Variants in GLT1D1 observed in about 807,000 individuals in gnomAD.
GLT1D1 encodes glycosyltransferase 1 domain-containing protein 1.
GLT1D1 carries 21 observed loss-of-function variants against 28.7 expected under a neutral mutation model. The observed-to-expected ratio is 0.73, with a 90% confidence interval of 0.52 to 1.05. The LOEUF (loss-of-function observed/expected upper bound fraction) is 1.05. GLT1D1 is among the 50% of genes least tolerant of loss of function. The pLI is 0.00. For missense variants in GLT1D1, 343 were observed against 330.6 expected, an observed-to-expected ratio of 1.04 and a Z score of -0.29; for synonymous variants, 147 against 124.8, an observed-to-expected ratio of 1.18 and a Z score of -1.19.
At chr12:128,910,014 A>G (rs2135880919) in intron 4 of GLT1D1, among the ~76,000 whole-genome samples, 1 of 152,388 alleles carries the variant, frequency 6.6e-6, no homozygotes, top group East Asian at 1.9e-4. Flanking sequence ...AAATCAATAT[A>G]AGCCAATTGG....
chr12:128,934,964 C>G (rs560606285), intron 4 of GLT1D1, among the ~76,000 whole-genome samples: 38 of 151,784 alleles, frequency 2.5e-4, no homozygotes, highest in African/African-American at 8.7e-4. Flanking sequence ...AGGACGGGGT[C>G]CAGGACAGGG....
intron 7 of GLT1D1, among the ~76,000 whole-genome samples, chr12:128,973,895 TGTGTGTAGGGGGTGTGTGTAGGGG>T (rs1202151367): frequency 1.6e-5 from 2 of 127,816 alleles, no homozygotes; most frequent in East Asian, 5.0e-4. Context: ...GTAGGGGGTG[TGTGTGTAGGGGGTGTGTGTAGGGG>T]GTGTGTGTGT....
intron 4 of GLT1D1, among the ~76,000 whole-genome samples, chr12:128,929,085 C>T (rs980583331): frequency 1.3e-5 from 2 of 152,162 alleles, no homozygotes; most frequent in Middle Eastern, 3.2e-3. Context: ...AGGGAGGCCC[C>T]GGAGAGCTGC....
In GLT1D1 at chr12:128,945,357, C is replaced by G; in HGVS notation, c.407C>G (p.Ala136Gly). The G allele has an allele frequency of 1.2e-6, 2 of 1,613,962 alleles. No homozygotes were observed. The highest frequency in any genetic ancestry group is 1.7e-6 in the Non-Finnish European group (2 of 1,179,822). ...CCAGTGTTTACAAGGGAAGTGAAAG[C>G]CAAAGTGAAAAGGTAAGAGTTGGTG... Residue 136 changes from alanine (A) to glycine (G), a missense_variant, in exon 5 of 8, where the codon GCC (alanine) becomes GGC (glycine). By Grantham distance (60) the Ala-to-Gly change is moderately conservative. Coordinates refer to ENST00000281703, the MANE Select transcript of GLT1D1 (RefSeq NM_144669.3).
chr12:128,859,250 A>G (rs1016191188), intron 1 of GLT1D1, among the ~76,000 whole-genome samples: 3 of 152,346 alleles, frequency 2.0e-5, no homozygotes, highest in African/African-American at 7.2e-5. Flanking sequence ...TTAGTTAGCA[A>G]GGTGGGAGAA....
intron 4 of GLT1D1, among the ~76,000 whole-genome samples, chr12:128,944,113 C>G (rs1262952517): frequency 6.6e-6 from 1 of 152,064 alleles, no homozygotes; most frequent in Admixed American, 6.6e-5. Flanking sequence ...ACTCATTTGG[C>G]ACATCCTTAG....
intron 1 of GLT1D1, among the ~76,000 whole-genome samples, chr12:128,854,988 G>C (rs1171401059): frequency 2.0e-5 from 3 of 152,088 alleles, no homozygotes; most frequent in Non-Finnish European, 4.4e-5. Flanking sequence ...CTCTGCTTGG[G>C]TTTAGCAGTG....
At chr12:128,948,981 C>T (rs1565906063) in intron 6 of GLT1D1, among the ~76,000 whole-genome samples, 1 of 152,214 alleles carries the variant, frequency 6.6e-6, no homozygotes, top group Non-Finnish European at 1.5e-5. Context: ...GTAACGTGAT[C>T]ATCCTCAGCC....
chr12:128,896,767 G>A (rs1003144682), intron 3 of GLT1D1, among the ~76,000 whole-genome samples: 2 of 151,674 alleles, frequency 1.3e-5, no homozygotes, highest in Non-Finnish European at 1.5e-5. Flanking sequence ...ATTTTAAGGT[G>A]CCAAACATGG....
intron 4 of GLT1D1, among the ~76,000 whole-genome samples, chr12:128,911,017 C>T (rs1871465566): frequency 6.6e-6 from 1 of 152,168 alleles, no homozygotes; most frequent in Non-Finnish European, 1.5e-5. Context: ...GCAACCTCCG[C>T]CTCCCGGGTT....
intron 4 of GLT1D1, among the ~76,000 whole-genome samples, chr12:128,906,384 A>G (rs190967463): frequency 2.6e-5 from 4 of 152,190 alleles, no homozygotes; most frequent in Non-Finnish European, 1.5e-5. Context: ...CACCAAGAAG[A>G]AAAAAACACC....
chr12:128,896,261 G>A (rs915461859), intron 3 of GLT1D1, among the ~76,000 whole-genome samples: 1 of 152,098 alleles, frequency 6.6e-6, no homozygotes, highest in Non-Finnish European at 1.5e-5. Context: ...AAATAATGAT[G>A]TGGGAGAAAG....
At chr12:128,955,999 A>C (rs3893973) in intron 6 of GLT1D1, among the ~76,000 whole-genome samples, 36,028 of 150,932 alleles carry the variant, frequency 0.24, 5,307 homozygotes, top group Non-Finnish European at 0.34. Flanking sequence ...CTCTACTAAA[A>C]GTACAAAAAA....
chr12:128,908,532 TTTC>T (rs150106332), intron 4 of GLT1D1, among the ~76,000 whole-genome samples: 7,471 of 150,994 alleles, frequency 0.049, 646 homozygotes, highest in African/African-American at 0.17. Context: ...TCTTTCCTTC[TTTC>T]TTCTTCTTTT....
intron 4 of GLT1D1, 43 bp from the exon 6 acceptor site, chr12:128,914,890 C>G: frequency 3.6e-6 from 5 of 1,386,704 alleles, no homozygotes; most frequent in Non-Finnish European, 4.9e-6. Flanking sequence ...TTTCAGCAGT[C>G]GCTTCAAAGT....
At chr12:128,913,809 C>T (rs1409259435) in intron 4 of GLT1D1, among the ~76,000 whole-genome samples, 4 of 152,218 alleles carry the variant, frequency 2.6e-5, no homozygotes, top group African/African-American at 9.6e-5. Flanking sequence ...AACACAGCGT[C>T]TACCACCTCC....
intron 2 of GLT1D1, among the ~76,000 whole-genome samples, chr12:128,880,830 T>C (rs1165851649): frequency 1.3e-5 from 2 of 152,064 alleles, no homozygotes; most frequent in Non-Finnish European, 2.9e-5. Flanking sequence ...AAACGACCAC[T>C]GTTTGTGTGT....
chr12:128,860,297 C>T (rs1311754287), intron 1 of GLT1D1, among the ~76,000 whole-genome samples: 2 of 152,188 alleles, frequency 1.3e-5, no homozygotes, highest in South Asian at 2.1e-4. Context: ...CCCATCTCTA[C>T]TGAAAATACA....
intron 4 of GLT1D1, chr12:128,945,013 T>C (rs1875849949): frequency 3.3e-6 from 2 of 610,068 alleles, no homozygotes; most frequent in Admixed American, 3.0e-5. Context: ...GTTCTCATTG[T>C]TCAATTCCCA....
Sources: gnomAD v4.1 joint callset for allele counts (sites outside exome capture counted in the v4.1 genomes callset) on GRCh38, gnomAD v4.1.1 for gene constraint, MANE v1.5 for transcripts, NCBI Gene and HGNC (gene_info 2026-07-23, HGNC 2026-07-21) for gene names.